TPM1: variants seen among roughly 807,000 people sequenced by gnomAD.
TPM1 encodes the protein tropomyosin 1, also known as tropomyosin alpha-1 chain.
A neutral mutation model predicts 42.9 loss-of-function variants in TPM1; 24 were observed. The observed-to-expected ratio is 0.56, with a 90% CI of 0.41 to 0.79. The LOEUF is 0.79. TPM1 is among the 30% of genes least tolerant of loss of function. The pLI, the probability that TPM1 is intolerant of heterozygous loss-of-function variation, is 0.00. For synonymous variants in TPM1, 136 were observed against 130.1 expected (o/e 1.05, Z -0.31); for missense variants, 158 against 351.8 (o/e 0.45, Z 4.41).
intron 2 of TPM1, among the ~76,000 whole-genome samples, chr15:63,051,533 A>G (rs1259758917): frequency 1.3e-5 from 2 of 150,588 alleles, no homozygotes; most frequent in Admixed American, 6.6e-5. Flanking sequence ...TAATGTCATC[A>G]GTGTTTTTTT....
chr15:63,045,122 C>A (rs2032103132), intron 2 of TPM1: 1 of 151,860 alleles, frequency 6.6e-6, no homozygotes, highest in African/African-American at 2.4e-5. Flanking sequence ...TGTGTGAGCA[C>A]CAGGGAAAGC....
At chr15:63,058,218 A>AGT (rs2035088118) in intron 3 of TPM1, among the ~76,000 whole-genome samples, 1 of 152,172 alleles carries the variant, frequency 6.6e-6, no homozygotes, top group African/African-American at 2.4e-5. Flanking sequence ...TATACTTGTT[A>AGT]GTGTACCTTA....
intron 5 of TPM1, 74 bp downstream of exon 5, chr15:63,061,013 C>A: frequency 6.4e-7 from 1 of 1,570,782 alleles, no homozygotes; most frequent in East Asian, 2.3e-5. Context: ...GACCTTCTGG[C>A]AGCTGCACAT....
At chr15:63,065,393 C>T in intron 9 of TPM1, 6 of 995,754 alleles carry the variant, frequency 6.0e-6, no homozygotes, top group Non-Finnish European at 7.2e-6. Context: ...AAAATGGTAA[C>T]TTGAAGAGAG....
chr15:63,070,234 GC>G (rs939299574), downstream of TPM1: 13 of 1,180,806 alleles, frequency 1.1e-5, no homozygotes, highest in East Asian at 5.3e-5. Flanking sequence ...ATAATGAGGA[GC>G]CCCCCCAAAA....
chr15:63,048,172 G>T (rs2032822466), intron 2 of TPM1: 1 of 450,722 alleles, frequency 2.2e-6, no homozygotes, highest in Non-Finnish European at 4.4e-6. Context: ...AGCCAGCTCC[G>T]TTACCCCGGG....
downstream of TPM1, among the ~76,000 whole-genome samples, chr15:63,066,679 G>A (rs934646511): frequency 1.3e-5 from 2 of 152,176 alleles, no homozygotes; most frequent in African/African-American, 4.8e-5. Flanking sequence ...ACAAAGAAAA[G>A]TTCAAGCTTT....
At chr15:63,062,748 G>A in intron 8 of TPM1, 103 bp downstream of exon 8, 4 of 1,593,386 alleles carry the variant, frequency 2.5e-6, no homozygotes, top group Non-Finnish European at 3.4e-6. Context: ...ACGCTCCTTT[G>A]CACTTGCACA....
Position 63,066,083 on chromosome 15 carries a change from T to C in TPM1, c.*184T>C, listed in dbSNP as rs764354563. On this transcript the variant is annotated 3_prime_UTR_variant, in exon 10 of 10. Transcript: ENST00000403994. ...CTTCGTTTCAGTGTCAAATAAACACTGTGTAAGCTATTTCTGTTTGCTATT... is the reference window on the plus strand; with the variant it reads ...CTTCGTTTCAGTGTCAAATAAACACCGTGTAAGCTATTTCTGTTTGCTATT... 6 of 1,516,690 alleles carry C rather than the reference T, an allele frequency of 4.0e-6. No homozygotes were observed. Among genetic ancestry groups the C allele is most frequent in the Non-Finnish European group, 5.3e-6 (6 of 1,138,984 alleles). 94.0% of individuals were successfully genotyped at this position (1,516,690 alleles called of 1,614,324 possible). A position where few individuals can be genotyped will look rare whatever the true frequency, so the allele number is the denominator to read the frequency against.
chr15:63,065,225 C>T (rs2141005138), intron 9 of TPM1: 2 of 986,542 alleles, frequency 2.0e-6, no homozygotes, highest in South Asian at 9.3e-5. Context: ...AACTAATTTA[C>T]ATATTACTAA....
chr15:63,070,416 A>G, downstream of TPM1: 1 of 994,974 alleles, frequency 1.0e-6, no homozygotes, highest in Non-Finnish European at 1.2e-6. Context: ...TGCTTGGGCA[A>G]AATAGCTTTT....
chr15:63,046,305 G>A (rs1332371384), intron 2 of TPM1: 3 of 152,220 alleles, frequency 2.0e-5, no homozygotes, highest in East Asian at 1.9e-4. Context: ...GAGAGTATTC[G>A]TTTTTTATTT....
At chr15:63,063,951 T>C in intron 8 of TPM1, 113 bp from the exon 9 acceptor site, 3 of 1,479,972 alleles carry the variant, frequency 2.0e-6, no homozygotes, top group Non-Finnish European at 2.7e-6. Flanking sequence ...CTTCATGCAT[T>C]GCCCTTTTCT....
chr15:63,061,942 T>G, intron 6 of TPM1, 154 bp downstream of exon 6: 1 of 732,938 alleles, frequency 1.4e-6, no homozygotes, highest in Middle Eastern at 3.7e-4. Flanking sequence ...ATTCTTTTTT[T>G]TAACTAGAGA....
At position 63,060,948 on chromosome 15, in the gene TPM1, G is replaced by C; in HGVS notation, c.563+9G>C. The C allele has an allele frequency of 6.2e-7, 1 of 1,613,934 alleles. No homozygotes were observed. Among genetic ancestry groups the C allele is most frequent in the Middle Eastern group, 1.7e-4 (1 of 6,060 alleles). ...GCTGAGCTCTCAGAAGGGTAAGCGG[G>C]CCCGGCGCCAGGAGGCCACGAATGG... is the stretch of plus-strand genomic sequence containing the variant. On this transcript the variant is annotated intron_variant, in intron 5 of 9. Coordinates refer to ENST00000403994, the MANE Select transcript of TPM1 (RefSeq NM_001018005.2).
downstream of TPM1, chr15:63,069,849 C>G: frequency 6.2e-7 from 1 of 1,613,930 alleles, no homozygotes; most frequent in Middle Eastern, 1.6e-4. Context: ...TTTCTGCTAA[C>G]CTGCTTGCTG....
intron 1 of TPM1, chr15:63,043,663 C>T: frequency 6.5e-7 from 1 of 1,537,380 alleles, no homozygotes; most frequent in Non-Finnish European, 8.7e-7. Flanking sequence ...GTCTAACACC[C>T]GGTCCGTGCC....
Position 63,066,113 on chromosome 15 carries a change from T to C in TPM1, c.*214T>C, listed in dbSNP as rs774595807. 12 of 1,489,198 alleles carry C rather than the reference T, an allele frequency of 8.1e-6. No homozygotes were observed. Among genetic ancestry groups the C allele is most frequent in the Non-Finnish European group, 1.1e-5 (12 of 1,128,874 alleles). The allele number at this position is 1,489,198 out of a possible 1,614,324, so 92.2% of individuals were successfully genotyped here. ...AAGCTATTTCTGTTTGCTATTCTTT[T>C]TACTTCTTATTTATTGACATTTTAG... On this transcript the variant is annotated 3_prime_UTR_variant, in exon 10 of 10. Transcript: ENST00000403994.
downstream of TPM1, among the ~76,000 whole-genome samples, chr15:63,067,613 G>A (rs1220118101): frequency 6.6e-6 from 1 of 152,194 alleles, no homozygotes; most frequent in Non-Finnish European, 1.5e-5. Context: ...AAGGGGAAGT[G>A]GGGCACTAAT....
Sources: allele counts gnomAD v4.1 joint callset (sites outside exome capture counted in the v4.1 genomes callset), GRCh38; gene constraint gnomAD v4.1.1; transcripts MANE v1.5; gene names NCBI Gene and HGNC (gene_info 2026-07-23, HGNC 2026-07-21).